SAGE1: variants seen among roughly 807,000 people sequenced by gnomAD.
SAGE1 encodes sarcoma antigen 1.
Under a neutral mutation model 55.4 loss-of-function variants are expected in SAGE1, and 55 were observed. The observed-to-expected ratio is 0.99, with a 90% CI of 0.80 to 1.24. The LOEUF (loss-of-function observed/expected upper bound fraction) is 1.24, where lower values mean the gene tolerates loss of function less well. SAGE1 is among the 50% of genes most tolerant of loss of function. The probability of loss-of-function intolerance (pLI) is 0.00; values close to 1 mark genes in which losing one functional copy is unlikely to be tolerated. For missense variants in SAGE1, 710 were observed against 704.4 expected (o/e 1.01, Z -0.09); for synonymous variants, 240 against 244.3 (o/e 0.98, Z 0.17).
Position 135,910,054 on chromosome X carries a change from A to G in SAGE1, c.1748A>G (p.His583Arg), listed in dbSNP as rs782574608. Residue 583 changes from histidine (H) to arginine (R), a missense_variant, in exon 15 of 20, where the codon CAT becomes CGT. Coordinates refer to ENST00000370709, the MANE Select transcript of SAGE1 (RefSeq NM_001381902.1). ...GATGCTACCGTCACTCACAATGTCCATGAAGAGAAGATTAAAAATGGCCAA... is the reference window on the plus strand; with the variant it reads ...GATGCTACCGTCACTCACAATGTCCGTGAAGAGAAGATTAAAAATGGCCAA... ...DQYATVTHNV[H>R]EEKIKNGQAA... The G allele has an allele frequency of 9.1e-6, 11 of 1,210,155 alleles. No homozygotes were observed. Among genetic ancestry groups the G allele is most frequent in the East Asian group, 5.9e-5 (2 of 33,804 alleles).
At chrX:135,896,353 G>A in intron 2 of SAGE1, 24 bp downstream of exon 2, 1 of 1,018,329 alleles carries the variant, frequency 9.8e-7, no homozygotes, top group Non-Finnish European at 1.4e-6. Flanking sequence ...TTCTATTTCT[G>A]CCCTAATTGT....
chrX:135,911,114 T>A (rs1313368579), intron 16 of SAGE1, 78 bp from the exon 17 acceptor site: 30 of 1,060,835 alleles, frequency 2.8e-5, no homozygotes, highest in Non-Finnish European at 3.6e-5. Flanking sequence ...TCCTGGAAAC[T>A]GAGCATCAGC....
chrX:135,911,513 G>T (rs2088897847), intron 17 of SAGE1, 66 bp from the exon 18 acceptor site: 2 of 924,084 alleles, frequency 2.2e-6, no homozygotes, highest in East Asian at 3.1e-5. Context: ...GGGCATCGGA[G>T]GGATATACTG....
In SAGE1 at chrX:135,904,609, A is replaced by T. The variant is rs377366296; in HGVS notation, c.313+40A>T. The T allele has an allele frequency of 5.6e-6, 5 of 893,607 alleles. No individual in the cohort carries two copies. The African/African-American group carries it at 9.9e-5, about 18-fold the overall frequency. The allele number at this position is 893,607 out of a possible 1,213,427, so 73.6% of individuals were successfully genotyped here. The stretch of plus-strand genomic sequence containing the variant: ...GCAGGAATTTCATCCATGAGTATGA[A>T]ATTCATCCATGAGTACTTATTAATT... On this transcript the variant is annotated intron_variant, in intron 4 of 19. Transcript: ENST00000370709.
chrX:135,901,872 G>A (rs1556596933), intron 3 of SAGE1, among the ~76,000 whole-genome samples, 181 bp downstream of exon 3: 2 of 112,105 alleles, frequency 1.8e-5, no homozygotes, highest in Non-Finnish European at 3.8e-5. Flanking sequence ...GGCAGAAGGA[G>A]ATGGTGGGCT....
intron 3 of SAGE1, among the ~76,000 whole-genome samples, chrX:135,903,818 C>G (rs56254101): frequency 0.22 from 23,890 of 110,764 alleles, 2,034 homozygotes; most frequent in Non-Finnish European, 0.26. Context: ...TACAAAATGA[C>G]GAATACAAAA....
chrX:135,912,182 C>G lies in SAGE1; in HGVS notation c.2522-139C>G, dbSNP rs149193154. On this transcript the variant is annotated intron_variant, in intron 18 of 19. Coordinates refer to ENST00000370709, the MANE Select transcript of SAGE1 (RefSeq NM_001381902.1). ...AGTTTCCTTAGTAATATACAGATGT[C>G]GTGATTTAAGCATTCAAAACAAGCA... is the stretch of plus-strand genomic sequence containing the variant. The G allele has an allele frequency of 4.8e-4, 522 of 1,088,893 alleles. 2 individuals carry two copies. In the East Asian group the frequency reaches 0.014, roughly 30 times the overall value. 89.7% of individuals were successfully genotyped at this position (1,088,893 alleles called of 1,213,427 possible).
chrX:135,912,296 A>C, intron 18 of SAGE1, 25 bp from the exon 19 acceptor site: 2 of 1,182,717 alleles, frequency 1.7e-6, no homozygotes, highest in East Asian at 6.0e-5. Context: ...AATTGTAGAA[A>C]TACTAATTTT....
In SAGE1 at chrX:135,896,682, C is replaced by A. The variant is rs372395806; in HGVS notation, c.87+353C>A. Among the ~76,000 whole-genome samples the A allele has an allele frequency of 3.4e-4, 37 of 108,743 alleles. 1 individual carries two copies. The highest frequency in any genetic ancestry group is 8.0e-4 in the South Asian group (2 of 2,489). The allele number at this position is 108,743 out of a possible 115,157, so 94.4% of individuals were successfully genotyped here. On this transcript the variant is annotated intron_variant, in intron 2 of 19. Coordinates refer to ENST00000370709, the MANE Select transcript of SAGE1 (RefSeq NM_001381902.1). ...CAAGTGATTCTCCTGCCTTAGCCTTCTGAGTAGCTGGGATTACAGGCATGC... is the reference window on the plus strand; with the variant it reads ...CAAGTGATTCTCCTGCCTTAGCCTTATGAGTAGCTGGGATTACAGGCATGC...
At position 135,911,938 on chromosome X, in the gene SAGE1, C is replaced by T. The variant is rs782625354; in HGVS notation, c.2506C>T (p.Arg836Ter). ...AAAATATCAATTAATGAAAGAAGTT[C>T]GAAGGTTTGGGCAAAGTAAGTACTG... ...DIKYQLMKEVRRFGQNYERIF... is the reference protein window; with the variant it reads ...DIKYQLMKEV Residue 836 changes from arginine to a stop codon, truncating the protein, a stop_gained, in exon 18 of 20, where the codon CGA becomes TGA. Coordinates refer to ENST00000370709, the MANE Select transcript of SAGE1 (RefSeq NM_001381902.1). LOFTEE classifies it high-confidence loss of function. 4 of 1,208,090 alleles carry T rather than the reference C, an allele frequency of 3.3e-6. No individual in the cohort carries two copies. The highest frequency in any genetic ancestry group is 4.4e-5 in the Admixed American group (2 of 45,927).
chrX:135,900,746 A>G, intron 2 of SAGE1, among the ~76,000 whole-genome samples: 1 of 71,990 alleles, frequency 1.4e-5, no homozygotes, highest in Non-Finnish European at 2.6e-5. Context: ...GAATCTCCAT[A>G]AGGTTGGAGG....
In SAGE1 at chrX:135,909,592, A is replaced by C. The variant is rs192977755; in HGVS notation, c.1583-47A>C. The C allele has an allele frequency of 1.6e-4, 185 of 1,134,495 alleles. 2 individuals are homozygous for C. In the African/African-American group the frequency reaches 3.0e-3, roughly 18 times the overall value. The allele number at this position is 1,134,495 out of a possible 1,213,427, so 93.5% of individuals were successfully genotyped here. ...TCAGAGGGATATACCTGTGGTATTG[A>C]CATAATGCACTTACGTCACAAGTCA... On this transcript the variant is annotated intron_variant, in intron 13 of 19. Transcript: ENST00000370709.
Position 135,911,228 on chromosome X carries a change from T to C in SAGE1, c.2042T>C (p.Met681Thr). The C allele has an allele frequency of 8.3e-7, 1 of 1,210,552 alleles. No homozygotes were observed. Among genetic ancestry groups the C allele is most frequent in the Non-Finnish European group, 1.1e-6 (1 of 894,360 alleles). ...TATHSVHEEK[M>T]TNGQQAPDNS... ...ACTCACAGTGTCCATGAGGAGAAGA[T>C]GACAAATGGCCAACAGGCACCTGAT... Residue 681 changes from methionine (M) to threonine (T), a missense_variant, in exon 17 of 20, where the codon ATG (methionine) becomes ACG (threonine). By Grantham distance (81) the Met-to-Thr change is moderately conservative. Transcript: ENST00000370709.
chrX:135,905,734 A>G (rs782431363), intron 5 of SAGE1, among the ~76,000 whole-genome samples: 1 of 112,078 alleles, frequency 8.9e-6, no homozygotes, highest in Non-Finnish European at 1.9e-5. Context: ...AGCGGGGCTT[A>G]TGAATTTCAC....
intron 12 of SAGE1, 93 bp from the exon 13 acceptor site, chrX:135,908,771 T>A (rs1374155772): frequency 2.6e-5 from 29 of 1,099,801 alleles, no homozygotes; most frequent in Non-Finnish European, 3.5e-5. Context: ...CTTTATGGGA[T>A]AATTTTCTAA....
At chrX:135,910,325 A>G (rs2088873161) in intron 15 of SAGE1, 90 bp from the exon 16 acceptor site, 1 of 1,084,294 alleles carries the variant, frequency 9.2e-7, no homozygotes, top group Non-Finnish European at 1.3e-6. Context: ...TTAATGAGAT[A>G]ATTTCCTAGA....
At chrX:135,909,907 A>T (rs782256230) in intron 14 of SAGE1, 123 bp from the exon 15 acceptor site, 16 of 970,648 alleles carry the variant, frequency 1.6e-5, no homozygotes, top group Non-Finnish European at 2.1e-5. Context: ...TCAGATCGCC[A>T]TCTGGCATAT....
chrX:135,893,986 G>A (rs2088542971), intron 1 of SAGE1, among the ~76,000 whole-genome samples: 1 of 111,914 alleles, frequency 8.9e-6, no homozygotes, highest in South Asian at 3.7e-4. Flanking sequence ...TTTCTGGGGA[G>A]ATTTTAAATT....
chrX:135,904,352 T>G (rs1461769519), intron 3 of SAGE1, 125 bp from the exon 4 acceptor site: 11 of 486,703 alleles, frequency 2.3e-5, no homozygotes, highest in Non-Finnish European at 3.6e-5. Flanking sequence ...GTTCTCAGAT[T>G]GCTACCTGGT....
Sources: allele counts gnomAD v4.1 joint callset (sites outside exome capture counted in the v4.1 genomes callset), GRCh38; gene constraint gnomAD v4.1.1; transcripts MANE v1.5; gene names NCBI Gene and HGNC (gene_info 2026-07-23, HGNC 2026-07-21).